The following EIF2D variants were observed in gnomAD, a reference collection of about 807,000 sequenced individuals.
EIF2D encodes eukaryotic translation initiation factor 2D.
EIF2D carries 56 observed loss-of-function variants against 77.4 expected under a neutral mutation model. The observed-to-expected ratio is 0.72, with a 90% CI of 0.58 to 0.90. The LOEUF (loss-of-function observed/expected upper bound fraction) is 0.90, where lower values mean the gene tolerates loss of function less well. Among genes scored for constraint, EIF2D ranks in the 40% least tolerant of loss-of-function variants. The pLI, the probability that EIF2D is intolerant of heterozygous loss-of-function variation, is 0.00. For synonymous variants in EIF2D, 230 were observed against 271.0 expected, an observed-to-expected ratio of 0.85 and a Z score of 1.49; for missense variants, 574 against 706.5, an observed-to-expected ratio of 0.81 and a Z score of 2.13.
At chr1:206,593,419 T>C (rs1669449694) in intron 14 of EIF2D, among the ~76,000 whole-genome samples, 200 bp downstream of exon 14, 1 of 151,590 alleles carries the variant, frequency 6.6e-6, no homozygotes. Context: ...AAGGATCTGA[T>C]TCAAACACTG....
At chr1:206,575,039 T>TG (rs71570016) in intron 4 of EIF2D, among the ~76,000 whole-genome samples, 71,612 of 151,274 alleles carry the variant, frequency 0.47, 17,647 homozygotes, top group Middle Eastern at 0.62. Context: ...TTTTTGTTTT[T>TG]TTTTTTAGAA....
chr1:206,583,701 G>A (rs1668985720), intron 2 of EIF2D: 12 of 319,842 alleles, frequency 3.8e-5, no homozygotes, highest in South Asian at 3.1e-4. Context: ...GGCCTCCAGG[G>A]AGCCAGGACA....
intron 5 of EIF2D, 167 bp from the exon 6 acceptor site, chr1:206,603,371 T>A (rs1670026924): frequency 1.4e-5 from 12 of 879,304 alleles, no homozygotes; most frequent in Middle Eastern, 3.6e-4. Flanking sequence ...CTTTCAATTC[T>A]GGGCCCCTAA....
At chr1:206,570,159 T>TTGGCTCACTGTAACCTC (rs1158055364), downstream of EIF2D, among the ~76,000 whole-genome samples, 1 of 148,958 alleles carries the variant, frequency 6.7e-6, no homozygotes, top group Non-Finnish European at 1.5e-5. Flanking sequence ...TGGTGCAATA[T>TTGGCTCACTGTAACCTC]TGGCTCACTG....
At chr1:206,578,068 A>T (rs972833246) in intron 4 of EIF2D, among the ~76,000 whole-genome samples, 1 of 133,494 alleles carries the variant, frequency 7.5e-6, no homozygotes, top group Non-Finnish European at 1.6e-5. Flanking sequence ...CTACAAAAAA[A>T]TAAAAAAAAT....
At position 206,591,831 on chromosome 1, in the gene EIF2D, G is replaced by C. The variant is rs782781640; in HGVS notation, c.1699C>G (p.Pro567Ala). ...GWLLLEEYQL[P>A]RKHIQGLEKA... ...TCTAGACCTTGGATGTGTTTTCGAG[G>C]GAGCTGATACTCTTCTACAATCCAA... Residue 567 changes from proline to alanine, a missense_variant, in exon 15 of 15, where the codon CCT (proline) becomes GCT (alanine). Pro to Ala is a conservative substitution (Grantham distance 27). Transcript: ENST00000271764. 3 of 1,614,024 alleles carry C rather than the reference G, an allele frequency of 1.9e-6. No individual in the cohort carries two copies. The highest frequency in any genetic ancestry group is 2.5e-6 in the Non-Finnish European group (3 of 1,179,998).
At chr1:206,569,926 T>C (rs1668395180), downstream of EIF2D, among the ~76,000 whole-genome samples, 1 of 152,134 alleles carries the variant, frequency 6.6e-6, no homozygotes, top group African/African-American at 2.4e-5. Flanking sequence ...GTTGCTTAGA[T>C]GTGGCATTGA....
chr1:206,572,089 G>A (rs570306184), intron 5 of EIF2D, among the ~76,000 whole-genome samples: 2 of 152,304 alleles, frequency 1.3e-5, no homozygotes, highest in East Asian at 3.8e-4. Context: ...AGTCTCAGAA[G>A]TAAATGGGTC....
At chr1:206,588,990 G>A (rs919159458), downstream of EIF2D, 2 of 152,862 alleles carry the variant, frequency 1.3e-5, no homozygotes, top group African/African-American at 4.8e-5. Flanking sequence ...AAGGCATATA[G>A]CTATATATAA....
downstream of EIF2D, chr1:206,586,795 TC>T (rs782078857): frequency 1.3e-6 from 2 of 1,580,174 alleles, no homozygotes; most frequent in Admixed American, 3.4e-5. Flanking sequence ...CTATTCTGTT[TC>T]TTCCCACAAA....
intron 12 of EIF2D, among the ~76,000 whole-genome samples, chr1:206,596,068 C>T (rs1243044183): frequency 6.6e-6 from 1 of 152,218 alleles, no homozygotes; most frequent in African/African-American, 2.4e-5. Context: ...CCAAGGTAGA[C>T]ACCCACTGAT....
At chr1:206,571,728 G>A (rs1172346610) in intron 5 of EIF2D, among the ~76,000 whole-genome samples, 2 of 152,244 alleles carry the variant, frequency 1.3e-5, no homozygotes, top group Non-Finnish European at 2.9e-5. Context: ...ATGTAGAGAA[G>A]GGAGGACTTT....
At chr1:206,583,035 G>A (rs1668953750) in intron 2 of EIF2D, 4 of 466,302 alleles carry the variant, frequency 8.6e-6, no homozygotes, top group Admixed American at 3.5e-5. Context: ...TTTCACAGAT[G>A]AGGAGACTGA....
chr1:206,575,779 G>A, intron 4 of EIF2D, among the ~76,000 whole-genome samples: 1 of 152,252 alleles, frequency 6.6e-6, no homozygotes, highest in East Asian at 1.9e-4. Context: ...AGGGGAAGTA[G>A]CTCCCCAGAC....
rs555830220 is a variant in EIF2D at position 206,575,004 on chromosome 1, C to T, written c.*255-2305G>A. Among the ~76,000 whole-genome samples, 8 of 150,358 alleles carry T rather than the reference C, an allele frequency of 5.3e-5. 1 individual carries two copies. In the South Asian group the frequency reaches 8.6e-4, roughly 16 times the overall value. ...CCTCCCGAGTAGTTGGGATTACAGG[C>T]GCACGGATAATTTTTTTGTTTTTGT... On this transcript the variant is annotated intron_variant and NMD_transcript_variant, in intron 4 of 5. Transcript: ENST00000472709.
chr1:206,600,268 T>C lies in EIF2D; in HGVS notation c.943A>G (p.Lys315Glu), dbSNP rs782669547. ...CAAAGAAGATCCTTGCTTACCTTTT[T>C]GTAGCTTGACTTCTTTATGTCCAGT... Reference protein sequence around the residue: ...RQLDIKKSSYKKLSKFLQQMQ... With the variant: ...RQLDIKKSSYEKLSKFLQQMQ... Residue 315 changes from lysine to glutamate, a missense_variant, in exon 8 of 15, where the codon AAA (lysine) becomes GAA (glutamate). Coordinates refer to ENST00000271764, the MANE Select transcript of EIF2D (RefSeq NM_006893.3). The C allele has an allele frequency of 1.2e-6, 2 of 1,614,108 alleles. No individual in the cohort carries two copies. The highest frequency in any genetic ancestry group is 1.3e-5 in the African/African-American group (1 of 75,058).
chr1:206,593,470 A>G (rs1572386961), intron 14 of EIF2D, 149 bp downstream of exon 14: 1 of 397,850 alleles, frequency 2.5e-6, no homozygotes. Flanking sequence ...CTAAATGGAG[A>G]GAGAGAGAGA....
At chr1:206,602,728 G>A in intron 6 of EIF2D, 1 of 707,754 alleles carries the variant, frequency 1.4e-6, no homozygotes, top group Non-Finnish European at 2.3e-6. Context: ...GCTGAAGACA[G>A]GCAAATGCCA....
chr1:206,611,405 T>C, intron 1 of EIF2D, 31 bp from the exon 2 acceptor site: 1 of 1,571,770 alleles, frequency 6.4e-7, no homozygotes. Context: ...CTGTGAATGC[T>C]GCCTGGACAG....
Sources: gnomAD v4.1 joint callset for allele counts (sites outside exome capture counted in the v4.1 genomes callset) on GRCh38, gnomAD v4.1.1 for gene constraint, MANE v1.5 for transcripts, NCBI Gene and HGNC (gene_info 2026-07-23, HGNC 2026-07-21) for gene names.